Variants in ULK4 observed in about 807,000 individuals in gnomAD.
ULK4 encodes the protein unc-51 like kinase 4.
In ULK4, 133 loss-of-function variants were observed where a neutral mutation model predicts 160.6. The observed-to-expected ratio is 0.83, with a 90% confidence interval of 0.72 to 0.96. ULK4 has a LOEUF of 0.96. Among genes scored for constraint, ULK4 ranks in the 40% least tolerant of loss-of-function variants. The pLI is 0.00. For missense variants in ULK4, 1,580 were observed against 1,499.5 expected, an observed-to-expected ratio of 1.05 and a Z score of -0.89; for synonymous variants, 534 against 539.8, an observed-to-expected ratio of 0.99 and a Z score of 0.15.
intron 18 of ULK4, among the ~76,000 whole-genome samples, chr3:41,826,549 A>G (rs1312489515): frequency 1.3e-5 from 2 of 149,602 alleles, no homozygotes; most frequent in Middle Eastern, 3.4e-3. Flanking sequence ...ACAAAGATCA[A>G]AAGAGACAAA....
At chr3:41,774,769 C>T (rs977843665) in intron 21 of ULK4, among the ~76,000 whole-genome samples, 4 of 150,506 alleles carry the variant, frequency 2.7e-5, no homozygotes, top group Admixed American at 6.6e-5. Context: ...AAGACACATG[C>T]ACACATATGT....
chr3:41,528,693 T>TACATGATTCCACTAAGGATC (rs1468070109), intron 32 of ULK4, among the ~76,000 whole-genome samples: 2 of 152,320 alleles, frequency 1.3e-5, no homozygotes, highest in South Asian at 4.1e-4. Context: ...CCTTGCCTAT[T>TACATGATTCCACTAAGGATC]ACATGATTCC....
intron 31 of ULK4, among the ~76,000 whole-genome samples, chr3:41,586,608 TCA>T (rs1189165537): frequency 6.6e-6 from 1 of 152,164 alleles, no homozygotes; most frequent in Non-Finnish European, 1.5e-5. Flanking sequence ...TTAATAAACT[TCA>T]CATTTAAAAA....
Position 41,930,585 on chromosome 3 carries a change from A to T in ULK4, c.541+1259T>A, listed in dbSNP as rs559085470. Among the ~76,000 whole-genome samples the T allele has an allele frequency of 3.3e-5, 5 of 152,290 alleles. No homozygotes were observed. In the East Asian group the frequency reaches 9.6e-4, roughly 29 times the overall value. ...GAATGGGAGAAAATTTTTGCAATCT[A>T]CCCATCTGACAAAGTTCTAATATCC... is the stretch of plus-strand genomic sequence containing the variant. On this transcript the variant is annotated intron_variant, in intron 5 of 36. Transcript: ENST00000301831.
intron 35 of ULK4, among the ~76,000 whole-genome samples, chr3:41,375,152 A>T (rs1312560275): frequency 2.0e-5 from 3 of 152,180 alleles, no homozygotes; most frequent in Non-Finnish European, 4.4e-5. Context: ...ACAAATGGAA[A>T]AACATTCCAT....
At chr3:41,822,399 T>C (rs986429382) in intron 18 of ULK4, among the ~76,000 whole-genome samples, 5 of 152,176 alleles carry the variant, frequency 3.3e-5, no homozygotes, top group African/African-American at 1.2e-4. Flanking sequence ...TCATTTTGTT[T>C]TTCTTGTTTT....
At chr3:41,661,469 A>T (rs1322551107) in intron 30 of ULK4, among the ~76,000 whole-genome samples, 1 of 151,410 alleles carries the variant, frequency 6.6e-6, no homozygotes, top group Non-Finnish European at 1.5e-5. Context: ...ACATATATAT[A>T]CATACAGATA....
chr3:41,635,638 C>G (rs536927778), intron 30 of ULK4, among the ~76,000 whole-genome samples: 2 of 152,296 alleles, frequency 1.3e-5, no homozygotes, highest in East Asian at 1.9e-4. Flanking sequence ...CTGTGTCACA[C>G]TGTGCTATGT....
At chr3:41,289,866 T>C (rs1007215497) in intron 35 of ULK4, among the ~76,000 whole-genome samples, 2 of 151,998 alleles carry the variant, frequency 1.3e-5, no homozygotes, top group Non-Finnish European at 2.9e-5. Flanking sequence ...TACGTATGTA[T>C]GTATGTATGT....
At chr3:41,602,968 C>T (rs183040891) in intron 31 of ULK4, among the ~76,000 whole-genome samples, 6 of 152,028 alleles carry the variant, frequency 3.9e-5, no homozygotes, top group African/African-American at 1.2e-4. Context: ...AAATGGCAGG[C>T]TTAATATGTA....
At chr3:41,817,384 G>A (rs927065242) in intron 19 of ULK4, among the ~76,000 whole-genome samples, 19 of 151,976 alleles carry the variant, frequency 1.3e-4, no homozygotes, top group African/African-American at 3.4e-4. Flanking sequence ...ATTAACAACC[G>A]GAATATGTGG....
intron 31 of ULK4, among the ~76,000 whole-genome samples, chr3:41,568,541 T>C (rs1217381962): frequency 6.6e-6 from 1 of 152,222 alleles, no homozygotes; most frequent in Non-Finnish European, 1.5e-5. Context: ...AATATATTTA[T>C]TGTGCATCTA....
At chr3:41,827,342 A>C (rs1320056124) in intron 18 of ULK4, among the ~76,000 whole-genome samples, 1 of 151,806 alleles carries the variant, frequency 6.6e-6, no homozygotes, top group Non-Finnish European at 1.5e-5. Context: ...AGACACAAAA[A>C]ACCCTTCAAA....
At chr3:41,448,818 G>C (rs1191732370) in intron 34 of ULK4, among the ~76,000 whole-genome samples, 1 of 152,166 alleles carries the variant, frequency 6.6e-6, no homozygotes, top group Non-Finnish European at 1.5e-5. Context: ...TTCTTGGCTT[G>C]GGCAATTGAG....
chr3:41,795,275 T>A (rs1237885199), intron 20 of ULK4, among the ~76,000 whole-genome samples: 7 of 152,188 alleles, frequency 4.6e-5, no homozygotes, highest in Non-Finnish European at 7.3e-5. Flanking sequence ...ATTTTTTTTG[T>A]TAAGATTATG....
At chr3:41,589,445 A>AAAC (rs1458164378) in intron 31 of ULK4, among the ~76,000 whole-genome samples, 1 of 151,728 alleles carries the variant, frequency 6.6e-6, no homozygotes, top group Non-Finnish European at 1.5e-5. Context: ...AAAAAAAAAA[A>AAAC]AAAAAATCCT....
chr3:41,689,125 C>A (rs903218288), intron 27 of ULK4, among the ~76,000 whole-genome samples: 1 of 152,226 alleles, frequency 6.6e-6, no homozygotes, highest in South Asian at 2.1e-4. Flanking sequence ...CCAATCAGGG[C>A]ACACCTGAAG....
At chr3:41,567,029 C>G (rs1453328145) in intron 31 of ULK4, among the ~76,000 whole-genome samples, 1 of 152,158 alleles carries the variant, frequency 6.6e-6, no homozygotes, top group African/African-American at 2.4e-5. Context: ...ACGTCCTGCG[C>G]CCATTCACCA....
intron 17 of ULK4, among the ~76,000 whole-genome samples, chr3:41,848,906 T>C (rs1043676634): frequency 6.6e-6 from 1 of 152,200 alleles, no homozygotes; most frequent in East Asian, 1.9e-4. Context: ...ACAAAAACAT[T>C]TCCCAGCCCC....
Sources: allele counts gnomAD v4.1 joint callset (sites outside exome capture counted in the v4.1 genomes callset), GRCh38; gene constraint gnomAD v4.1.1; transcripts MANE v1.5; gene names NCBI Gene and HGNC (gene_info 2026-07-23, HGNC 2026-07-21).